Variants in TMTC2 observed in about 807,000 individuals in gnomAD.
The protein encoded by TMTC2 is transmembrane O-mannosyltransferase targeting cadherins 2.
Under a neutral mutation model 82.4 loss-of-function variants are expected in TMTC2, and 43 were observed. That is an observed-to-expected ratio of 0.52 (90% confidence interval 0.41 to 0.67). The LOEUF is 0.67. Among genes scored for constraint, TMTC2 ranks in the 30% least tolerant of loss-of-function variants. TMTC2 has a pLI of 0.00. For missense variants in TMTC2, 919 were observed against 1,012.4 expected, an observed-to-expected ratio of 0.91 and a Z score of 1.25; for synonymous variants, 408 against 381.9, an observed-to-expected ratio of 1.07 and a Z score of -0.80.
intron 9 of TMTC2, among the ~76,000 whole-genome samples, chr12:83,031,387 C>T (rs140690502): frequency 6.6e-6 from 1 of 152,280 alleles, no homozygotes; most frequent in Non-Finnish European, 1.5e-5. Context: ...GGATGGCTGT[C>T]TCATTTCGTT....
intron 1 of TMTC2, among the ~76,000 whole-genome samples, chr12:82,851,903 CAAA>C (rs879483505): frequency 1.7e-5 from 2 of 118,662 alleles, no homozygotes; most frequent in East Asian, 2.4e-4. Context: ...GGTCACGAGA[CAAA>C]AAAAAAAAAG....
chr12:82,781,399 CTT>C (rs71068954), intron 1 of TMTC2, among the ~76,000 whole-genome samples: 3 of 121,188 alleles, frequency 2.5e-5, no homozygotes, highest in African/African-American at 3.1e-5. Flanking sequence ...GGAGTTTGCT[CTT>C]TTTTTTTTTT....
intron 7 of TMTC2, among the ~76,000 whole-genome samples, chr12:82,981,591 C>A (rs1474025684): frequency 6.6e-6 from 1 of 151,842 alleles, no homozygotes; most frequent in Non-Finnish European, 1.5e-5. Context: ...TATGTCATTT[C>A]TTACAGAATG....
At chr12:83,122,069 C>T (rs10862588) in intron 11 of TMTC2, among the ~76,000 whole-genome samples, 30,663 of 150,966 alleles carry the variant, frequency 0.2, 3,221 homozygotes, top group Middle Eastern at 0.32. Context: ...TTACCCCATG[C>T]TACCCGCTTC....
intron 8 of TMTC2, among the ~76,000 whole-genome samples, chr12:83,002,757 T>G (rs1404664290): frequency 2.0e-5 from 3 of 150,038 alleles, no homozygotes; most frequent in South Asian, 4.3e-4. Flanking sequence ...CACTGTGGTC[T>G]GAGAGTGTGT....
At chr12:82,947,345 C>CTTTTTTTTTTT (rs1195188141) in intron 4 of TMTC2, among the ~76,000 whole-genome samples, 5 of 134,380 alleles carry the variant, frequency 3.7e-5, no homozygotes, top group East Asian at 2.2e-4. Flanking sequence ...CTTTTTTTTT[C>CTTTTTTTTTTT]TTTTTTTTTT....
At chr12:83,021,776 C>G (rs926070263) in intron 8 of TMTC2, 4 of 152,088 alleles carry the variant, frequency 2.6e-5, no homozygotes, top group African/African-American at 9.7e-5. Flanking sequence ...GGTCTCCCTA[C>G]AGACAGTTTT....
chr12:82,859,273 G>T (rs1382533851), intron 2 of TMTC2, among the ~76,000 whole-genome samples: 1 of 151,912 alleles, frequency 6.6e-6, no homozygotes, highest in Admixed American at 6.6e-5. Flanking sequence ...TCACCATATT[G>T]GCCAGGATGG....
At chr12:82,978,264 T>C (rs1453212773) in intron 7 of TMTC2, among the ~76,000 whole-genome samples, 3 of 151,814 alleles carry the variant, frequency 2.0e-5, no homozygotes, top group African/African-American at 7.2e-5. Flanking sequence ...ATGAAATGAA[T>C]GTATATAAAT....
At chr12:82,917,796 G>T (rs888074625) in intron 3 of TMTC2, among the ~76,000 whole-genome samples, 1 of 152,072 alleles carries the variant, frequency 6.6e-6, no homozygotes, top group Non-Finnish European at 1.5e-5. Flanking sequence ...TAGAGACAGG[G>T]TTTCACCGTG....
At chr12:82,734,691 G>T (rs903397152) in intron 1 of TMTC2, among the ~76,000 whole-genome samples, 11 of 152,162 alleles carry the variant, frequency 7.2e-5, no homozygotes, top group African/African-American at 2.7e-4. Flanking sequence ...AATCCAACTT[G>T]AGAGGTTTAA....
At position 82,937,789 on chromosome 12, in the gene TMTC2, TATATATAC is replaced by T. The variant is rs1419347197; in HGVS notation, c.1598+7246_1598+7253del. Reference sequence around the variant, plus strand: ...ATATATATATATATATATATATATATATATATACACACATATATATATAAAATGATGCC... The same window carrying T: ...ATATATATATATATATATATATATATACACATATATATATAAAATGATGCC... On this transcript the variant is annotated intron_variant, in intron 4 of 11. Transcript: ENST00000321196. 8.3e-4 allele frequency among the ~76,000 whole-genome samples: 19 copies of T among 22,860 alleles called. 1 individual carries two copies. The highest frequency in any genetic ancestry group is 1.9e-3 in the African/African-American group (15 of 7,964). 15.0% of individuals were successfully genotyped at this position (22,860 alleles called of 152,430 possible).
chr12:83,107,699 G>A (rs1884457805), intron 11 of TMTC2, among the ~76,000 whole-genome samples: 1 of 152,186 alleles, frequency 6.6e-6, no homozygotes, highest in African/African-American at 2.4e-5. Context: ...AACATATCAT[G>A]TGACTCCAAA....
At chr12:82,778,193 A>T (rs1262064686) in intron 1 of TMTC2, among the ~76,000 whole-genome samples, 2 of 152,134 alleles carry the variant, frequency 1.3e-5, no homozygotes, top group African/African-American at 4.8e-5. Flanking sequence ...AATATCATAT[A>T]TAGCTTAAGG....
intron 8 of TMTC2, among the ~76,000 whole-genome samples, chr12:83,015,229 C>T (rs909757159): frequency 6.6e-6 from 1 of 152,184 alleles, no homozygotes; most frequent in Non-Finnish European, 1.5e-5. Context: ...CCAATGTGTA[C>T]ACGAATACCA....
chr12:82,698,805 A>G (rs1922576), intron 1 of TMTC2, among the ~76,000 whole-genome samples: 23,847 of 152,108 alleles, frequency 0.16, 2,126 homozygotes, highest in East Asian at 0.36. Flanking sequence ...TTGAACACAA[A>G]CACTGTGATA....
intron 1 of TMTC2, among the ~76,000 whole-genome samples, chr12:82,783,018 GTTTC>G (rs1436033281): frequency 6.6e-6 from 1 of 152,034 alleles, no homozygotes; most frequent in East Asian, 1.9e-4. Flanking sequence ...TGTTTATATA[GTTTC>G]TTTCACAATG....
At chr12:83,116,479 T>C (rs1294540103) in intron 11 of TMTC2, among the ~76,000 whole-genome samples, 1 of 152,236 alleles carries the variant, frequency 6.6e-6, no homozygotes, top group Non-Finnish European at 1.5e-5. Context: ...GATCAAATGG[T>C]AGATGTACTT....
chr12:83,016,020 T>TATTTGTAAGTCAC (rs1395339005), intron 8 of TMTC2, among the ~76,000 whole-genome samples: 1 of 152,220 alleles, frequency 6.6e-6, no homozygotes, highest in Non-Finnish European at 1.5e-5. Context: ...CTGTTTTCTA[T>TATTTGTAAGTCAC]AGATCTTTCT....
Sources: allele counts gnomAD v4.1 joint callset (sites outside exome capture counted in the v4.1 genomes callset), GRCh38; gene constraint gnomAD v4.1.1; transcripts MANE v1.5; gene names NCBI Gene and HGNC (gene_info 2026-07-23, HGNC 2026-07-21).